Variants in ARHGAP8 observed in about 807,000 individuals in gnomAD.
ARHGAP8 encodes rho GTPase-activating protein 8.
In ARHGAP8, 62 loss-of-function variants were observed where a neutral mutation model predicts 46.1. The observed-to-expected ratio is 1.34, with a 90% CI of 1.10 to 1.66. ARHGAP8 has a LOEUF of 1.66. ARHGAP8 is among the 40% of genes most tolerant of loss of function. ARHGAP8 has a pLI of 0.00. For missense variants in ARHGAP8, 923 were observed against 568.4 expected (o/e 1.62, Z -6.34); for synonymous variants, 375 against 243.1 (o/e 1.54, Z -5.05).
chr22:44,816,085 G>A (rs1360248435), intron 5 of ARHGAP8, among the ~76,000 whole-genome samples: 3 of 152,118 alleles, frequency 2.0e-5, no homozygotes, highest in South Asian at 2.1e-4. Flanking sequence ...TGGAGGGGTC[G>A]TCATTCTTCC....
intron 8 of ARHGAP8, 82 bp downstream of exon 8, chr22:44,845,424 A>G: frequency 1.3e-6 from 2 of 1,584,784 alleles, no homozygotes; most frequent in South Asian, 1.1e-5. Context: ...GATCCTGAGC[A>G]CCCACAAGCC....
chr22:44,809,614 GCCTCCC>G, intron 4 of ARHGAP8: 5 of 175,116 alleles, frequency 2.9e-5, no homozygotes, highest in Admixed American at 6.0e-5. Flanking sequence ...CCAGGCCCCC[GCCTCCC>G]TCTCCCACCC....
chr22:44,787,732 C>G lies in ARHGAP8; in HGVS notation c.79+1126C>G, dbSNP rs562151071. On this transcript the variant is annotated intron_variant, in intron 2 of 11. Transcript: ENST00000356099. ...ACGTTGATGTCCCCTGCACTGAGCT[C>G]CATAATCATTAGCTGTCATCTCTGA... 4.9e-3 allele frequency among the ~76,000 whole-genome samples: 748 copies of G among 152,152 alleles called. 1 individual carries two copies. Among genetic ancestry groups the G allele is most frequent in the Non-Finnish European group, 6.3e-3 (427 of 68,014 alleles).
intron 7 of ARHGAP8, among the ~76,000 whole-genome samples, chr22:44,842,083 G>A (rs1389889964): frequency 6.6e-6 from 1 of 152,236 alleles, no homozygotes; most frequent in Non-Finnish European, 1.5e-5. Flanking sequence ...CACAGGCTTA[G>A]CGCAGTGGCT....
intron 3 of ARHGAP8, among the ~76,000 whole-genome samples, chr22:44,806,288 T>C (rs1928914310): frequency 6.6e-6 from 1 of 152,110 alleles, no homozygotes; most frequent in Non-Finnish European, 1.5e-5. Context: ...GCCCACATGG[T>C]GTTCGAGACA....
chr22:44,799,974 TGTG>T (rs1343610736), intron 2 of ARHGAP8, among the ~76,000 whole-genome samples: 2 of 101,168 alleles, frequency 2.0e-5, no homozygotes, highest in Admixed American at 9.2e-5. Flanking sequence ...TCTGGCCACT[TGTG>T]GGGTGGGGCA....
chr22:44,775,139 A>G (rs1303905920), intron 1 of ARHGAP8, among the ~76,000 whole-genome samples: 1 of 152,124 alleles, frequency 6.6e-6, no homozygotes, highest in East Asian at 1.9e-4. Context: ...GCCTTGGGGA[A>G]TATTTTTTAA....
intron 1 of ARHGAP8, among the ~76,000 whole-genome samples, chr22:44,773,588 C>G (rs1163047778): frequency 1.3e-5 from 2 of 152,004 alleles, no homozygotes; most frequent in African/African-American, 4.8e-5. Context: ...TCTTTTTTCT[C>G]TCTTTTTTCT....
intron 11 of ARHGAP8, among the ~76,000 whole-genome samples, chr22:44,862,036 CAGA>C (rs1200793593): frequency 1.3e-5 from 2 of 152,290 alleles, no homozygotes; most frequent in East Asian, 1.9e-4. Flanking sequence ...GAGGCTGTCA[CAGA>C]AGGTCAGAGC....
chr22:44,761,934 T>A (rs549204298), intron 1 of ARHGAP8, among the ~76,000 whole-genome samples: 1 of 152,348 alleles, frequency 6.6e-6, no homozygotes, highest in East Asian at 1.9e-4. Flanking sequence ...CTCATGAGAC[T>A]TATTCACTAC....
At chr22:44,783,532 AAGGT>A (rs1444640819) in intron 1 of ARHGAP8, among the ~76,000 whole-genome samples, 17 of 152,030 alleles carry the variant, frequency 1.1e-4, no homozygotes, top group Admixed American at 1.1e-3. Flanking sequence ...ACTTGGGGTG[AAGGT>A]CCCTGGAGGC....
chr22:44,775,261 G>C (rs9626553), intron 1 of ARHGAP8, among the ~76,000 whole-genome samples: 2,096 of 152,308 alleles, frequency 0.014, 56 homozygotes, highest in African/African-American at 0.048. Flanking sequence ...TACCATATGA[G>C]CTGGCCTGGG....
Position 44,808,639 on chromosome 22 carries a change from C to CTA in ARHGAP8, c.299+201_299+202insTA, listed in dbSNP as rs145924864. On this transcript the variant is annotated intron_variant, in intron 4 of 11. Transcript: ENST00000356099. ...GGAATCCCGGGCAGGGGTTGGCACTCATTTTTTTTTTTCTTTCTTTCTTTT... is the reference window on the plus strand; with the variant it reads ...GGAATCCCGGGCAGGGGTTGGCACTCTAATTTTTTTTTTTCTTTCTTTCTTTT... 12 of 949,838 alleles carry CTA rather than the reference C, an allele frequency of 1.3e-5. No homozygotes were observed. In the African/African-American group the frequency reaches 2.3e-4, roughly 18 times the overall value. 58.8% of individuals were successfully genotyped at this position (949,838 alleles called of 1,614,324 possible). A position where few individuals can be genotyped will look rare whatever the true frequency, so the allele number is the denominator to read the frequency against.
At chr22:44,820,169 G>T (rs372188514) in intron 5 of ARHGAP8, among the ~76,000 whole-genome samples, 3 of 152,250 alleles carry the variant, frequency 2.0e-5, no homozygotes, top group Non-Finnish European at 4.4e-5. Flanking sequence ...TCTGCCGCAC[G>T]CCGTGTTGGG....
chr22:44,858,532 G>GTTTTTTTTTTTTT (rs1569184837), intron 10 of ARHGAP8, among the ~76,000 whole-genome samples: 1 of 12,690 alleles, frequency 7.9e-5, no homozygotes, highest in African/African-American at 3.2e-4. Flanking sequence ...ACCATACCCG[G>GTTTTTTTTTTTTT]CTTTTTTTTT....
intron 2 of ARHGAP8, among the ~76,000 whole-genome samples, chr22:44,797,241 T>G (rs1928157774): frequency 6.7e-6 from 1 of 148,738 alleles, no homozygotes; most frequent in Non-Finnish European, 1.5e-5. Flanking sequence ...TTTTTAATCC[T>G]GATGTTATCT....
At chr22:44,780,829 G>A (rs5765988) in intron 1 of ARHGAP8, among the ~76,000 whole-genome samples, 40,839 of 152,162 alleles carry the variant, frequency 0.27, 6,770 homozygotes, top group East Asian at 0.39. Context: ...ATCCTCCTGG[G>A]TTGTGAGGCT....
At chr22:44,797,285 CCTT>C (rs1460018173) in intron 2 of ARHGAP8, among the ~76,000 whole-genome samples, 1 of 149,306 alleles carries the variant, frequency 6.7e-6, no homozygotes, top group Non-Finnish European at 1.5e-5. Context: ...TGATTTGACT[CCTT>C]GTTTCTTCAG....
intron 2 of ARHGAP8, among the ~76,000 whole-genome samples, chr22:44,792,528 G>T (rs1927768727): frequency 6.6e-6 from 1 of 152,078 alleles, no homozygotes; most frequent in Non-Finnish European, 1.5e-5. Flanking sequence ...CTGCCCTCCT[G>T]CTCCTCCAGG....
Sources: gnomAD v4.1 joint callset for allele counts (sites outside exome capture counted in the v4.1 genomes callset) on GRCh38, gnomAD v4.1.1 for gene constraint, MANE v1.5 for transcripts, NCBI Gene and HGNC (gene_info 2026-07-23, HGNC 2026-07-21) for gene names.